Variants in CADM1 observed in about 807,000 individuals in gnomAD.
CADM1 encodes the protein TSLC-1.
In CADM1, 15 loss-of-function variants were observed where a neutral mutation model predicts 53.1. That is an observed-to-expected ratio of 0.28 (90% CI 0.19 to 0.44). CADM1 has a LOEUF of 0.44. Ranked by LOEUF, CADM1 falls within the 20% of genes least tolerant of loss-of-function variation. The pLI is 1.00. For synonymous variants in CADM1, 281 were observed against 243.0 expected (o/e 1.16, Z -1.45); for missense variants, 434 against 611.3 (o/e 0.71, Z 3.06).
chr11:115,219,632 G>A (rs1452873550), intron 5 of CADM1, among the ~76,000 whole-genome samples: 1 of 152,152 alleles, frequency 6.6e-6, no homozygotes, highest in Admixed American at 6.6e-5. Context: ...ACTGGGTCGG[G>A]AAGGTAGTCA....
intron 1 of CADM1, among the ~76,000 whole-genome samples, chr11:115,265,832 G>A (rs1329570070): frequency 2.0e-5 from 3 of 152,226 alleles, no homozygotes; most frequent in Non-Finnish European, 2.9e-5. Flanking sequence ...CCCCTCTCAG[G>A]TCTTTTCTTT....
intron 1 of CADM1, among the ~76,000 whole-genome samples, chr11:115,449,964 A>T (rs554924749): frequency 1.3e-5 from 2 of 151,896 alleles, no homozygotes; most frequent in South Asian, 4.1e-4. Context: ...CAAGAAAAAC[A>T]AACCTGGCCA....
In CADM1 at chr11:115,258,754, C is replaced by T. The variant is rs574458275; in HGVS notation, c.125-18334G>A. On this transcript the variant is annotated intron_variant, in intron 1 of 11. Transcript: ENST00000331581. ...AAATCTAAGGTTTCCTTTTCTCCCT[C>T]CGTCTCTCAAATCTAAGGAGATGTA... Among the ~76,000 whole-genome samples the T allele has an allele frequency of 2.2e-3, 335 of 152,338 alleles. 1 individual carries two copies. Among genetic ancestry groups the T allele is most frequent in the Middle Eastern group, 6.8e-3 (2 of 294 alleles).
chr11:115,323,792 G>A (rs752228389), intron 1 of CADM1, among the ~76,000 whole-genome samples: 2 of 151,836 alleles, frequency 1.3e-5, no homozygotes, highest in Non-Finnish European at 2.9e-5. Flanking sequence ...AGAGGGAGGA[G>A]GAAAAGGAGA....
chr11:115,199,981 T>A (rs566163888), intron 8 of CADM1, among the ~76,000 whole-genome samples: 5 of 152,328 alleles, frequency 3.3e-5, no homozygotes, highest in East Asian at 3.9e-4. Flanking sequence ...GCTTCTGATG[T>A]ATAAATGTGA....
At chr11:115,309,428 G>A (rs1944473937) in intron 1 of CADM1, among the ~76,000 whole-genome samples, 2 of 152,204 alleles carry the variant, frequency 1.3e-5, no homozygotes, top group South Asian at 4.1e-4. Context: ...GGGGAAAAAA[G>A]TATCGTGAAA....
At chr11:115,392,258 A>G (rs541612245) in intron 1 of CADM1, among the ~76,000 whole-genome samples, 35 of 152,164 alleles carry the variant, frequency 2.3e-4, no homozygotes, top group Admixed American at 1.1e-3. Flanking sequence ...AGGGGGAGAT[A>G]TTTGTCTATT....
chr11:115,315,329 G>A (rs1257293156), intron 1 of CADM1, among the ~76,000 whole-genome samples: 2 of 152,138 alleles, frequency 1.3e-5, no homozygotes, highest in African/African-American at 4.8e-5. Flanking sequence ...AGGACAGGAT[G>A]GGACACGACA....
At chr11:115,488,661 T>C (rs1949429841) in intron 1 of CADM1, among the ~76,000 whole-genome samples, 1 of 152,036 alleles carries the variant, frequency 6.6e-6, no homozygotes, top group African/African-American at 2.4e-5. Flanking sequence ...CTCTCCCCTC[T>C]TCTACACAAG....
At chr11:115,330,474 G>A (rs1395045369) in intron 1 of CADM1, among the ~76,000 whole-genome samples, 2 of 151,976 alleles carry the variant, frequency 1.3e-5, no homozygotes, top group Admixed American at 1.3e-4. Flanking sequence ...ACATCCTTGG[G>A]CTTGGTTTGA....
rs753496892 is a variant in CADM1, at chr11:115,238,570, A to G, written c.354T>C (p.Asp118=). Residue 118 remains aspartate, a synonymous_variant, in exon 3 of 12, where the codon GAT becomes GAC. Coordinates refer to ENST00000331581, the MANE Select transcript of CADM1 (RefSeq NM_001301043.2). The part of the protein sequence containing the change: ...KVSLTNVSIS[D]EGRYFCQLYT... ...AGAGCTGGCAAAAGTATCTTCCTTC[A>G]TCAGAAATTGAGACGTTTGTCAATG... 19 of 1,613,788 alleles carry G rather than the reference A, an allele frequency of 1.2e-5. No homozygotes were observed. The highest frequency in any genetic ancestry group is 1.4e-5 in the Non-Finnish European group (17 of 1,179,852).
intron 1 of CADM1, among the ~76,000 whole-genome samples, chr11:115,391,835 A>C (rs1232719252): frequency 6.6e-6 from 1 of 152,230 alleles, no homozygotes; most frequent in Non-Finnish European, 1.5e-5. Context: ...CCGCCCATGC[A>C]TGCAGACAGG....
chr11:115,485,290 C>T (rs1220332989), intron 1 of CADM1, among the ~76,000 whole-genome samples: 2 of 152,236 alleles, frequency 1.3e-5, no homozygotes, highest in African/African-American at 4.8e-5. Context: ...TTCAACCTCT[C>T]TGCAGCACCC....
At chr11:115,309,278 A>G (rs1243840712) in intron 1 of CADM1, among the ~76,000 whole-genome samples, 2 of 152,116 alleles carry the variant, frequency 1.3e-5, no homozygotes, top group Admixed American at 6.6e-5. Flanking sequence ...CAACGCTCCA[A>G]AAAAGTTTAG....
chr11:115,375,664 G>A (rs1946419642), intron 1 of CADM1, among the ~76,000 whole-genome samples: 1 of 152,134 alleles, frequency 6.6e-6, no homozygotes, highest in African/African-American at 2.4e-5. Flanking sequence ...TGTTGTTAAA[G>A]TTGTAGTCTC....
intron 1 of CADM1, among the ~76,000 whole-genome samples, chr11:115,284,114 C>CTCTCTCTCTCTCTCTCTG (rs1351842329): frequency 0.022 from 2,132 of 98,452 alleles, 78 homozygotes; most frequent in Non-Finnish European, 0.033. Flanking sequence ...CTCTCTCTCT[C>CTCTCTCTCTCTCTCTCTG]TGTGTGTGTG....
intron 1 of CADM1, among the ~76,000 whole-genome samples, chr11:115,305,567 T>G (rs1434312589): frequency 6.6e-6 from 1 of 151,930 alleles, no homozygotes; most frequent in Non-Finnish European, 1.5e-5. Flanking sequence ...AAGGGATAAA[T>G]AGAGCATTGG....
Position 115,174,936 on chromosome 11 carries a change from ACTC to A in CADM1, c.*1535_*1537del. On this transcript the variant is annotated 3_prime_UTR_variant, in exon 12 of 12. Coordinates refer to ENST00000331581, the MANE Select transcript of CADM1 (RefSeq NM_001301043.2). ...TTTAAAACATGTAAATGGTAACGTG[ACTC>A]CTCTACCTTTTCCCGAGGCTCCCCA... 1.0e-5 allele frequency: 10 copies of A among 985,324 alleles called. No individual in the cohort carries two copies. The highest frequency in any genetic ancestry group is 1.2e-5 in the Non-Finnish European group (10 of 829,718). 61.0% of individuals were successfully genotyped at this position (985,324 alleles called of 1,614,324 possible). A position where few individuals can be genotyped will look rare whatever the true frequency, so the allele number is the denominator to read the frequency against.
chr11:115,342,634 C>T (rs1333375143), intron 1 of CADM1, among the ~76,000 whole-genome samples: 4 of 152,126 alleles, frequency 2.6e-5, no homozygotes, highest in Non-Finnish European at 4.4e-5. Flanking sequence ...CTAATTTTTT[C>T]ATCTCTTGCA....
Sources: gnomAD v4.1 joint callset for allele counts (sites outside exome capture counted in the v4.1 genomes callset) on GRCh38, gnomAD v4.1.1 for gene constraint, MANE v1.5 for transcripts, NCBI Gene and HGNC (gene_info 2026-07-23, HGNC 2026-07-21) for gene names.